Variants in BMP7 observed in about 807,000 individuals in gnomAD.
The protein encoded by BMP7 is bone morphogenetic protein 7, also known as osteogenic protein 1.
In BMP7, 12 loss-of-function variants were observed where a neutral mutation model predicts 41.2. The ratio of observed to expected loss-of-function variants is 0.29; its 90% CI spans 0.19 to 0.47. BMP7 has a LOEUF of 0.47. Ranked by LOEUF, BMP7 falls within the 20% of genes least tolerant of loss-of-function variation. The pLI, the probability that BMP7 is intolerant of heterozygous loss-of-function variation, is 0.99. For missense variants in BMP7, 467 were observed against 606.0 expected (o/e 0.77, Z 2.41); for synonymous variants, 248 against 250.0 (o/e 0.99, Z 0.07).
intron 3 of BMP7, among the ~76,000 whole-genome samples, chr20:57,195,778 G>T (rs1984477683): frequency 6.6e-6 from 1 of 152,230 alleles, no homozygotes; most frequent in Non-Finnish European, 1.5e-5. Context: ...TCTGGAGTGA[G>T]CATGAAGTAA....
chr20:57,216,141 G>T (rs1332142867), intron 2 of BMP7, among the ~76,000 whole-genome samples: 4 of 152,128 alleles, frequency 2.6e-5, no homozygotes, highest in African/African-American at 7.2e-5. Flanking sequence ...AGCCGGGGGG[G>T]TCCAGGAAGG....
Position 57,224,166 on chromosome 20 carries a change from G to C in BMP7, c.611+4063C>G, listed in dbSNP as rs767348270. ...CTCTGCCAATCCATCCTGTGTGGTGGGGACAGGCAGGGGGCAGCTCCCTCT... is the reference window on the plus strand; with the variant it reads ...CTCTGCCAATCCATCCTGTGTGGTGCGGACAGGCAGGGGGCAGCTCCCTCT... On this transcript the variant is annotated intron_variant, in intron 2 of 6. Coordinates refer to ENST00000395863, the MANE Select transcript of BMP7 (RefSeq NM_001719.3). This position sits in a 1 kb window ranked among gnomAD's most constrained non-coding sequence, Gnocchi z 4.8. Among the ~76,000 whole-genome samples the C allele has an allele frequency of 2.6e-5, 4 of 152,216 alleles. No individual in the cohort carries two copies. Among genetic ancestry groups the C allele is most frequent in the Non-Finnish European group, 5.9e-5 (4 of 68,030 alleles).
rs1159459154 is a variant in BMP7 at position 57,171,262 on chromosome 20, C to A, written c.1147-154G>T. 6.6e-6 allele frequency among the ~76,000 whole-genome samples: 1 copy of A among 152,226 alleles called. No homozygotes were observed. The highest frequency in any genetic ancestry group is 2.4e-5 in the African/African-American group (1 of 41,458). ...AGCACTCCCTGTTCTAAGCACTTTA[C>A]ATGGACAACTCAGTTCTGGGATTAT... On this transcript the variant is annotated intron_variant, in intron 6 of 6. Coordinates refer to ENST00000395863, the MANE Select transcript of BMP7 (RefSeq NM_001719.3). The surrounding 1 kb of genome is among the most constrained non-coding windows in gnomAD (Gnocchi z 4.5).
intron 2 of BMP7, among the ~76,000 whole-genome samples, chr20:57,206,904 C>T (rs552491221): frequency 6.6e-6 from 1 of 152,322 alleles, no homozygotes; most frequent in East Asian, 1.9e-4. Context: ...GTCAACAGAC[C>T]ACTTGTCCAT....
At chr20:57,178,335 G>A (rs906498823) in intron 4 of BMP7, among the ~76,000 whole-genome samples, 1 of 152,152 alleles carries the variant, frequency 6.6e-6, no homozygotes, top group Non-Finnish European at 1.5e-5. Flanking sequence ...TGTGGGCGGA[G>A]GGAAGATCTG....
In BMP7 at chr20:57,251,174, G is replaced by A. The variant is rs1017044745; in HGVS notation, c.418+14531C>T. 5.9e-5 allele frequency among the ~76,000 whole-genome samples: 9 copies of A among 152,292 alleles called. 1 individual carries two copies. Among genetic ancestry groups the A allele is most frequent in the Admixed American group, 2.0e-4 (3 of 15,300 alleles). On this transcript the variant is annotated intron_variant, in intron 1 of 6. Transcript: ENST00000395863. ...ACATCCCCAGGCACCAGCTGCAGGC[G>A]GCCCGAGGTCAGCCCTCTTCCTGTC...
Position 57,174,916 on chromosome 20 carries a change from C to G in BMP7, c.1035+15G>C. 1 of 1,608,402 alleles carries G rather than the reference C, an allele frequency of 6.2e-7. No individual in the cohort carries two copies. Among genetic ancestry groups the G allele is most frequent in the Non-Finnish European group, 8.5e-7 (1 of 1,179,184 alleles). ...AGAGGGCCCACACCCAAGACAGACC[C>G]AGCCAGCCCCTTACCTGCCAGCCCA... On this transcript the variant is annotated intron_variant, in intron 5 of 6. Coordinates refer to ENST00000395863, the MANE Select transcript of BMP7 (RefSeq NM_001719.3). The surrounding 1 kb of genome is among the most constrained non-coding windows in gnomAD (Gnocchi z 4.3).
chr20:57,178,330 G>A (rs1300433242), intron 4 of BMP7, among the ~76,000 whole-genome samples: 2 of 152,160 alleles, frequency 1.3e-5, no homozygotes, highest in Non-Finnish European at 2.9e-5. Context: ...GACAGTGTGG[G>A]CGGAGGGAAG....
At chr20:57,238,458 G>T (rs1265473772) in intron 1 of BMP7, among the ~76,000 whole-genome samples, 1 of 152,038 alleles carries the variant, frequency 6.6e-6, no homozygotes, top group African/African-American at 2.4e-5. Flanking sequence ...AATCTTTCAG[G>T]GACATACCCA....
At chr20:57,255,047 G>A (rs2066128837) in intron 1 of BMP7, among the ~76,000 whole-genome samples, 1 of 152,168 alleles carries the variant, frequency 6.6e-6, no homozygotes, top group Non-Finnish European at 1.5e-5. Flanking sequence ...AGAAGGGAAA[G>A]GTGTGTGCCT....
chr20:57,227,806 T>C (rs1207178305), intron 2 of BMP7, among the ~76,000 whole-genome samples: 2 of 152,208 alleles, frequency 1.3e-5, no homozygotes, highest in Non-Finnish European at 2.9e-5. Flanking sequence ...CTGTTTTTTT[T>C]GGTTTGGGTT....
intron 1 of BMP7, among the ~76,000 whole-genome samples, chr20:57,237,549 G>GC (rs757485888): frequency 1.4e-4 from 22 of 152,204 alleles, no homozygotes; most frequent in Non-Finnish European, 2.6e-4. Flanking sequence ...AGATTAAGGA[G>GC]CTTGAAAAAG....
In BMP7 at chr20:57,261,762, A is replaced by G. The variant is rs1388424691; in HGVS notation, c.418+3943T>C. The stretch of plus-strand genomic sequence containing the variant: ...TAACACAAGCCAGGTTACAGCTGCA[A>G]ATGCCTGCAGTCCACGCTCCCCTTT... On this transcript the variant is annotated intron_variant, in intron 1 of 6. Transcript: ENST00000395863. This position sits in a 1 kb window ranked among gnomAD's most constrained non-coding sequence, Gnocchi z 4.1. Among the ~76,000 whole-genome samples, 3 of 152,200 alleles carry G rather than the reference A, an allele frequency of 2.0e-5. No individual in the cohort carries two copies. Among genetic ancestry groups the G allele is most frequent in the Admixed American group, 6.5e-5 (1 of 15,286 alleles).
chr20:57,241,914 G>C (rs1376254014), intron 1 of BMP7, among the ~76,000 whole-genome samples: 4 of 152,204 alleles, frequency 2.6e-5, no homozygotes, highest in African/African-American at 9.7e-5. Context: ...ATTATCTCTA[G>C]AGCTGAGGCC....
intron 1 of BMP7, among the ~76,000 whole-genome samples, chr20:57,232,783 G>C (rs751981217): frequency 6.6e-6 from 1 of 150,780 alleles, no homozygotes; most frequent in Admixed American, 6.6e-5. Context: ...TATTCTCCCT[G>C]AAACCCACAT....
rs547448159 is a variant in BMP7 at position 57,172,940 on chromosome 20, A to G, written c.1146+260T>C. On this transcript the variant is annotated intron_variant, in intron 6 of 6. Coordinates refer to ENST00000395863, the MANE Select transcript of BMP7 (RefSeq NM_001719.3). ...ACAATACTACAAGCATCCTCAAAGG[A>G]GCCCATACAACTTTTAGTTACTTTA... is the stretch of plus-strand genomic sequence containing the variant. 5.8e-5 allele frequency: 35 copies of G among 606,232 alleles called. No individual in the cohort carries two copies. In the African/African-American group the frequency reaches 6.5e-4, roughly 11 times the overall value. The allele number at this position is 606,232 out of a possible 1,614,324, so 37.6% of individuals were successfully genotyped here.
intron 1 of BMP7, among the ~76,000 whole-genome samples, chr20:57,238,710 AAG>A (rs2066057142): frequency 6.6e-6 from 1 of 152,118 alleles, no homozygotes; most frequent in Non-Finnish European, 1.5e-5. Flanking sequence ...GAAAAAAAAA[AAG>A]AGGTTAAATT....
At chr20:57,189,704 G>A (rs1028957500) in intron 3 of BMP7, among the ~76,000 whole-genome samples, 2 of 152,202 alleles carry the variant, frequency 1.3e-5, no homozygotes, top group Non-Finnish European at 2.9e-5. Context: ...CCTTTGCCTC[G>A]TCCTCCTCTC....
At chr20:57,209,202 C>G (rs965147955) in intron 2 of BMP7, among the ~76,000 whole-genome samples, 2 of 147,410 alleles carry the variant, frequency 1.4e-5, no homozygotes, top group African/African-American at 5.0e-5. Context: ...GGGCGAAACT[C>G]TGTCTCAAAA....
Sources: gnomAD v4.1 joint callset for allele counts (sites outside exome capture counted in the v4.1 genomes callset) on GRCh38, gnomAD v4.1.1 for gene constraint, Gnocchi (gnomAD v3.1) non-coding constraint, MANE v1.5 for transcripts, NCBI Gene and HGNC (gene_info 2026-07-23, HGNC 2026-07-21) for gene names.